Variants in SLC35F4 observed in about 807,000 individuals in gnomAD.
SLC35F4 encodes chromosome 14 open reading frame 36.
Under a neutral mutation model 44.2 loss-of-function variants are expected in SLC35F4, and 24 were observed. The observed-to-expected ratio is 0.54, with a 90% CI of 0.39 to 0.76. The LOEUF (loss-of-function observed/expected upper bound fraction) is 0.76. Ranked by LOEUF, SLC35F4 falls within the 30% of genes least tolerant of loss-of-function variation. The pLI is 0.00. For synonymous variants in SLC35F4, 238 were observed against 223.6 expected (o/e 1.06, Z -0.57); for missense variants, 562 against 586.1 (o/e 0.96, Z 0.42).
intron 1 of SLC35F4, among the ~76,000 whole-genome samples, chr14:57,917,597 C>T (rs528329319): frequency 6.6e-6 from 1 of 152,106 alleles, no homozygotes; most frequent in East Asian, 1.9e-4. Context: ...AGTAAATCAG[C>T]CTTTAGTAAT....
intron 7 of SLC35F4, 111 bp downstream of exon 7, chr14:57,566,364 G>T: frequency 2.0e-6 from 2 of 997,012 alleles, no homozygotes; most frequent in Non-Finnish European, 2.9e-6. Context: ...CATCTTCCCA[G>T]GCAAGGAACA....
chr14:57,779,680 TCAACAAAATA>T (rs1260757074), intron 1 of SLC35F4, among the ~76,000 whole-genome samples: 5 of 152,136 alleles, frequency 3.3e-5, no homozygotes. Context: ...GCAAAAACCT[TCAACAAAATA>T]CTGGCAAAGC....
At chr14:57,590,077 C>CTTTT (rs112429463) in intron 2 of SLC35F4, among the ~76,000 whole-genome samples, 1 of 138,920 alleles carries the variant, frequency 7.2e-6, no homozygotes, top group Non-Finnish European at 1.6e-5. Flanking sequence ...TTCCATTTTC[C>CTTTT]TTTTTTTTTT....
chr14:57,733,897 T>C (rs1487753617), intron 1 of SLC35F4, among the ~76,000 whole-genome samples: 2 of 152,210 alleles, frequency 1.3e-5, no homozygotes, highest in African/African-American at 2.4e-5. Context: ...GGCTTCCATA[T>C]GTATTTTATT....
chr14:57,821,730 G>C (rs957736576), intron 1 of SLC35F4, among the ~76,000 whole-genome samples: 3 of 152,186 alleles, frequency 2.0e-5, no homozygotes, highest in Non-Finnish European at 4.4e-5. Flanking sequence ...TTTGTAGGAA[G>C]GGATTTCTAG....
At chr14:57,824,507 T>C (rs1022610078) in intron 1 of SLC35F4, among the ~76,000 whole-genome samples, 1 of 152,096 alleles carries the variant, frequency 6.6e-6, no homozygotes, top group Non-Finnish European at 1.5e-5. Flanking sequence ...GATAGAGACA[T>C]GTAATATGTT....
At chr14:57,929,360 T>C (rs576747892) in intron 1 of SLC35F4, among the ~76,000 whole-genome samples, 21 of 152,232 alleles carry the variant, frequency 1.4e-4, no homozygotes, top group Admixed American at 1.1e-3. Flanking sequence ...TCTAAACATT[T>C]TAGAAGAAAT....
rs567191385 is a variant in SLC35F4 at position 57,771,620 on chromosome 14, G to T, written c.103+94103C>A. ...TACTTATTTATTTATTTGAGACAGT[G>T]TCTCGCTCTATTGCCCAGGCTGGAG... On this transcript the variant is annotated intron_variant, in intron 1 of 7. Coordinates refer to ENST00000556826, the MANE Select transcript of SLC35F4 (RefSeq NM_001306087.2). Among the ~76,000 whole-genome samples the T allele has an allele frequency of 6.9e-4, 105 of 152,244 alleles. 2 individuals are homozygous for T. Among genetic ancestry groups the T allele is most frequent in the African/African-American group, 2.5e-3 (102 of 41,540 alleles).
intron 1 of SLC35F4, among the ~76,000 whole-genome samples, chr14:57,888,811 A>G (rs921356597): frequency 3.9e-5 from 6 of 152,252 alleles, no homozygotes; most frequent in African/African-American, 1.4e-4. Flanking sequence ...GGCTCTAAAC[A>G]TAGAACTTAT....
intron 1 of SLC35F4, among the ~76,000 whole-genome samples, chr14:57,686,769 C>T (rs1403131227): frequency 6.6e-6 from 1 of 152,092 alleles, no homozygotes; most frequent in East Asian, 1.9e-4. Context: ...TGGATCCCAA[C>T]ATAATTTTTA....
chr14:57,583,736 T>C (rs145295523), intron 3 of SLC35F4, among the ~76,000 whole-genome samples: 1 of 152,286 alleles, frequency 6.6e-6, no homozygotes, highest in Non-Finnish European at 1.5e-5. Context: ...ACTGTTGTTG[T>C]AGAAATTAAA....
chr14:57,832,525 T>C (rs1437502639), intron 1 of SLC35F4, among the ~76,000 whole-genome samples: 2 of 152,218 alleles, frequency 1.3e-5, no homozygotes, highest in Admixed American at 1.3e-4. Flanking sequence ...GAAGTAACTA[T>C]GTGAGATGAT....
At chr14:57,603,509 C>T (rs2070961038) in intron 1 of SLC35F4, among the ~76,000 whole-genome samples, 1 of 152,138 alleles carries the variant, frequency 6.6e-6, no homozygotes, top group Non-Finnish European at 1.5e-5. Flanking sequence ...TTGCTCTTGG[C>T]AATAAGGTGT....
At chr14:57,921,566 C>A (rs1005014715) in intron 1 of SLC35F4, among the ~76,000 whole-genome samples, 1 of 152,152 alleles carries the variant, frequency 6.6e-6, no homozygotes, top group Non-Finnish European at 1.5e-5. Flanking sequence ...AATGGATTGT[C>A]GCCCAGTTCT....
intron 4 of SLC35F4, among the ~76,000 whole-genome samples, chr14:57,576,502 T>TTAGA (rs1487743266): frequency 6.6e-6 from 1 of 152,190 alleles, no homozygotes; most frequent in Non-Finnish European, 1.5e-5. Flanking sequence ...CTGGGTAAAT[T>TTAGA]TAGATACAGT....
intron 1 of SLC35F4, among the ~76,000 whole-genome samples, chr14:57,877,782 T>C (rs936937477): frequency 1.4e-5 from 2 of 147,346 alleles, no homozygotes; most frequent in African/African-American, 2.6e-5. Context: ...CCTCCTGGGT[T>C]CAAGCTATTC....
At chr14:57,844,430 G>C (rs1320277334) in intron 1 of SLC35F4, among the ~76,000 whole-genome samples, 2 of 152,140 alleles carry the variant, frequency 1.3e-5, no homozygotes, top group African/African-American at 2.4e-5. Flanking sequence ...AGCAACACCA[G>C]GGTCAGCATT....
chr14:57,589,419 G>A lies in SLC35F4; in HGVS notation c.384C>T (p.Gly128=), dbSNP rs906622384. Residue 128 remains glycine (G), a synonymous_variant, in exon 3 of 8, where the codon GGC becomes GGT. Coordinates refer to ENST00000556826, the MANE Select transcript of SLC35F4 (RefSeq NM_001306087.2). The part of the protein sequence containing the change: ...CLSCTSMVLK[G]IWGLLIILSV... ...ACAAGATGATCAAGAGTCCCCAGAT[G>A]CCCTTCAGAACCATGGACGTGCAGG... is the stretch of plus-strand genomic sequence containing the variant. 6 of 1,613,950 alleles carry A rather than the reference G, an allele frequency of 3.7e-6. No individual in the cohort carries two copies. The highest frequency in any genetic ancestry group is 3.3e-5 in the Admixed American group (2 of 60,000).
chr14:57,647,133 TAGGTCCGCTTGGTGCAGAGCTG>T (rs1243559265), intron 1 of SLC35F4, among the ~76,000 whole-genome samples: 1 of 151,944 alleles, frequency 6.6e-6, no homozygotes, highest in Non-Finnish European at 1.5e-5. Flanking sequence ...AGATGTCTAT[TAGGTCCGCTTGGTGCAGAGCTG>T]AGTTCAATTC....
Sources: gnomAD v4.1 joint callset for allele counts (sites outside exome capture counted in the v4.1 genomes callset) on GRCh38, gnomAD v4.1.1 for gene constraint, MANE v1.5 for transcripts, NCBI Gene and HGNC (gene_info 2026-07-23, HGNC 2026-07-21) for gene names.